The following DCAF1 variants were observed in gnomAD, a reference collection of about 807,000 sequenced individuals.
DCAF1 encodes the protein DDB1 and CUL4 associated factor 1.
A neutral mutation model predicts 128.0 loss-of-function variants in DCAF1; 15 were observed. The observed-to-expected ratio is 0.12, with a 90% CI of 0.08 to 0.18. The LOEUF (loss-of-function observed/expected upper bound fraction) is 0.18. Ranked by LOEUF, DCAF1 falls within the 10% of genes least tolerant of loss-of-function variation. The pLI is 1.00. For missense variants in DCAF1, 988 were observed against 1,649.5 expected (o/e 0.60, Z 6.95); for synonymous variants, 610 against 603.0 (o/e 1.01, Z -0.17).
At chr3:51,454,785 T>C (rs1553642399) in intron 6 of DCAF1, among the ~76,000 whole-genome samples, 1 of 152,078 alleles carries the variant, frequency 6.6e-6, no homozygotes, top group African/African-American at 2.4e-5. Flanking sequence ...ACCATTCTCC[T>C]GCCTCAGCCT....
intron 2 of DCAF1, among the ~76,000 whole-genome samples, chr3:51,495,308 G>T (rs1577340031): frequency 6.7e-6 from 1 of 149,526 alleles, no homozygotes; most frequent in South Asian, 2.1e-4. Flanking sequence ...TGGGCGACAA[G>T]AGCAAAACTC....
intron 22 of DCAF1, 44 bp downstream of exon 22, chr3:51,412,949 A>G (rs549123793): frequency 8.7e-6 from 14 of 1,607,520 alleles, no homozygotes; most frequent in Admixed American, 8.5e-5. Flanking sequence ...AAATTATCCT[A>G]AACATCAGAA....
intron 2 of DCAF1, among the ~76,000 whole-genome samples, chr3:51,489,471 C>G (rs1559578976): frequency 6.6e-6 from 1 of 151,734 alleles, no homozygotes; most frequent in African/African-American, 2.4e-5. Context: ...CTACTAGGGT[C>G]CTAGGCAGAG....
At chr3:51,402,869 G>A (rs1015612270) in intron 24 of DCAF1, among the ~76,000 whole-genome samples, 7 of 152,034 alleles carry the variant, frequency 4.6e-5, no homozygotes, top group Admixed American at 6.6e-5. Flanking sequence ...CACCGTGCCC[G>A]GCTGCATAAA....
chr3:51,422,281 A>C lies in DCAF1; in HGVS notation c.1972+26T>G, dbSNP rs1553632723. On this transcript the variant is annotated intron_variant, in intron 14 of 24. Coordinates refer to ENST00000684031, the MANE Select transcript of DCAF1 (RefSeq NM_001387579.1). ...AAAAAACAAATCCAGACCAAGAAAC[A>C]ACAAAAATGGCAAAGTACAACCTAC... 5.3e-6 allele frequency: 4 copies of C among 752,302 alleles called. No homozygotes were observed. In the Admixed American group the frequency reaches 7.4e-5, roughly 14 times the overall value. 46.6% of individuals were successfully genotyped at this position (752,302 alleles called of 1,614,324 possible). A position where few individuals can be genotyped will look rare whatever the true frequency, so the allele number is the denominator to read the frequency against.
Position 51,420,951 on chromosome 3 carries a change from A to T in DCAF1, c.2019T>A (p.His673Gln). ...LGVAEGEFFI[H>Q]DAEIQKSALQ... ...GTGCTGACTTCTGAATTTCAGCATC[A>T]TGGATGAAGAACTCACCCTCAGCCA... Residue 673 changes from histidine to glutamine, a missense_variant, in exon 15 of 25, where the codon CAT becomes CAA. By Grantham distance (24) the His-to-Gln change is conservative. Coordinates refer to ENST00000684031, the MANE Select transcript of DCAF1 (RefSeq NM_001387579.1). The surrounding 1 kb of genome is among the most constrained non-coding windows in gnomAD (Gnocchi z 6.5). 6.2e-7 allele frequency: 1 copy of T among 1,614,002 alleles called. No individual in the cohort carries two copies. Among genetic ancestry groups the T allele is most frequent in the Non-Finnish European group, 8.5e-7 (1 of 1,179,886 alleles).
chr3:51,498,470 G>A (rs1553662514), intron 1 of DCAF1, among the ~76,000 whole-genome samples: 1 of 151,916 alleles, frequency 6.6e-6, no homozygotes, highest in African/African-American at 2.4e-5. Context: ...AGGTGTAGTG[G>A]CTCATGTCTG....
chr3:51,453,533 G>A (rs1242731361), intron 6 of DCAF1, among the ~76,000 whole-genome samples: 1 of 152,064 alleles, frequency 6.6e-6, no homozygotes, highest in Non-Finnish European at 1.5e-5. Context: ...TTGGGAGGCT[G>A]AGGCAGGAGA....
At chr3:51,436,356 T>C (rs1553636673) in intron 9 of DCAF1, 2 of 519,820 alleles carry the variant, frequency 3.8e-6, no homozygotes, top group African/African-American at 1.9e-5. Flanking sequence ...ATGAATCAAG[T>C]AGTGGACCAT....
intron 5 of DCAF1, 86 bp downstream of exon 5, chr3:51,466,717 G>C (rs1470223168): frequency 7.3e-7 from 1 of 1,376,454 alleles, no homozygotes; most frequent in Admixed American, 1.9e-5. Context: ...AAGGCCTTAG[G>C]AGAAGGCAAA....
chr3:51,483,647 A>C, intron 3 of DCAF1, 72 bp downstream of exon 3: 7 of 597,720 alleles, frequency 1.2e-5, no homozygotes, highest in East Asian at 3.1e-5. Flanking sequence ...GTGTGTGTGT[A>C]TGAAGAAATC....
intron 2 of DCAF1, among the ~76,000 whole-genome samples, chr3:51,490,853 G>C (rs1405926933): frequency 3.3e-5 from 5 of 152,128 alleles, no homozygotes; most frequent in Non-Finnish European, 7.3e-5. Flanking sequence ...TTGAACCCAA[G>C]AGGCAGAGGT....
At chr3:51,398,927 G>A in intron 24 of DCAF1, 100 bp from the exon 25 acceptor site, 1 of 1,425,702 alleles carries the variant, frequency 7.0e-7, no homozygotes, top group African/African-American at 1.4e-5. Flanking sequence ...GCCCGAGCAA[G>A]GTTAACTACC....
chr3:51,453,651 G>A (rs1702577736), intron 6 of DCAF1, among the ~76,000 whole-genome samples: 1 of 151,452 alleles, frequency 6.6e-6, no homozygotes, highest in Non-Finnish European at 1.5e-5. Flanking sequence ...AATTTTAATA[G>A]CTTTAAAAAT....
At chr3:51,414,602 A>T in intron 19 of DCAF1, 22 bp downstream of exon 19, 4 of 1,605,510 alleles carry the variant, frequency 2.5e-6, no homozygotes, top group Non-Finnish European at 3.4e-6. Flanking sequence ...AATGGAAGGT[A>T]AGACATGAGT....
At chr3:51,473,047 T>TG (rs1704945185) in intron 3 of DCAF1, among the ~76,000 whole-genome samples, 1 of 146,204 alleles carries the variant, frequency 6.8e-6, no homozygotes, top group African/African-American at 2.5e-5. Flanking sequence ...GAAGCCAAGG[T>TG]GGGCCGATCA....
At chr3:51,452,700 T>TAAGAATTAA (rs1702474740) in intron 6 of DCAF1, among the ~76,000 whole-genome samples, 1 of 152,116 alleles carries the variant, frequency 6.6e-6, no homozygotes, top group African/African-American at 2.4e-5. Context: ...ATGGAAATTT[T>TAAGAATTAA]CAAAAAGCCC....
intron 9 of DCAF1, among the ~76,000 whole-genome samples, chr3:51,440,366 C>T (rs1016103998): frequency 2.0e-5 from 3 of 152,154 alleles, no homozygotes; most frequent in South Asian, 4.1e-4. Flanking sequence ...AATCCTAGTA[C>T]TTTGGGAGGC....
At chr3:51,405,924 C>T (rs1293973271) in intron 23 of DCAF1, among the ~76,000 whole-genome samples, 1 of 152,196 alleles carries the variant, frequency 6.6e-6, no homozygotes, top group Non-Finnish European at 1.5e-5. Flanking sequence ...GTCCCAGCTA[C>T]TCAGGAAGCT....
Sources: gnomAD v4.1 joint callset for allele counts (sites outside exome capture counted in the v4.1 genomes callset) on GRCh38, gnomAD v4.1.1 for gene constraint, Gnocchi (gnomAD v3.1) non-coding constraint, MANE v1.5 for transcripts, NCBI Gene and HGNC (gene_info 2026-07-23, HGNC 2026-07-21) for gene names.